The following NLRP7 variants were observed in gnomAD, a reference collection of about 807,000 sequenced individuals.
The protein encoded by NLRP7 is NACHT, LRR and PYD domains-containing protein 7.
In NLRP7, 72 loss-of-function variants were observed where a neutral mutation model predicts 85.5. That is an observed-to-expected ratio of 0.84 (90% confidence interval 0.70 to 1.02). NLRP7 has a LOEUF of 1.02. Ranked by LOEUF, NLRP7 falls within the 50% of genes least tolerant of loss-of-function variation. NLRP7 has a pLI of 0.00. For missense variants in NLRP7, 1,243 were observed against 1,219.5 expected (o/e 1.02, Z -0.29); for synonymous variants, 550 against 505.2 (o/e 1.09, Z -1.19).
chr19:54,940,740 T>C (rs941080736), intron 3 of NLRP7, among the ~76,000 whole-genome samples, 191 bp downstream of exon 3: 5 of 151,458 alleles, frequency 3.3e-5, no homozygotes, highest in East Asian at 2.0e-4. Flanking sequence ...AGGCAGAGAA[T>C]TGCTTGAACC....
chr19:54,941,722 G>C, exon 2 of NLRP7: 2 of 1,610,718 alleles, frequency 1.2e-6, no homozygotes, highest in East Asian at 4.5e-5. Flanking sequence ...AGTGCTCCGA[G>C]TATGAGACCT....
chr19:54,963,600 G>A (rs927164128), intron 1 of NLRP7, among the ~76,000 whole-genome samples: 6 of 151,974 alleles, frequency 3.9e-5, no homozygotes, highest in African/African-American at 1.2e-4. Flanking sequence ...GAGGTGAGCA[G>A]ATTACCTGAG....
Position 54,938,873 on chromosome 19 carries a change from G to A in NLRP7, c.1931+15C>T. On this transcript the variant is annotated intron_variant, in intron 4 of 9. Transcript: ENST00000340844. ...CTCTTCCTAGTGGAGCGTGGGATGG[G>A]AAAACAGTTCTTACCTTTCAAATTC... 1 of 1,613,528 alleles carries A rather than the reference G, an allele frequency of 6.2e-7. No individual in the cohort carries two copies. The highest frequency in any genetic ancestry group is 8.5e-7 in the Non-Finnish European group (1 of 1,179,918).
exon 3 of NLRP7, chr19:54,940,994 C>A (rs1429162047): frequency 3.1e-6 from 5 of 1,609,510 alleles, no homozygotes; most frequent in Non-Finnish European, 4.3e-6. Flanking sequence ...ATTTCTTGCA[C>A]CTGTCCGTCC....
rs531521958 is a variant in NLRP7, at chr19:54,934,429, C to T, written c.2471+60G>A. ...GGTGGCGCAGTAAGTCAGGTGTTACCCTTTCTCTTCTATAGCCCCAGAACT... is the reference window on the plus strand; with the variant it reads ...GGTGGCGCAGTAAGTCAGGTGTTACTCTTTCTCTTCTATAGCCCCAGAACT... On this transcript the variant is annotated intron_variant, in intron 7 of 9. Transcript: ENST00000340844. This position sits in a 1 kb window ranked among gnomAD's most constrained non-coding sequence, Gnocchi z 6.7. The T allele has an allele frequency of 1.6e-5, 25 of 1,565,388 alleles. No homozygotes were observed. The East Asian group carries it at 4.7e-4, about 29-fold the overall frequency.
intron 5 of NLRP7, 120 bp downstream of exon 5, chr19:54,937,920 AAGAC>A (rs2069008856): frequency 1.3e-6 from 1 of 779,280 alleles, no homozygotes; most frequent in Admixed American, 2.2e-5. Flanking sequence ...AAAAAAAAAA[AAGAC>A]AGCTGGAAAA....
intron 1 of NLRP7, among the ~76,000 whole-genome samples, chr19:54,944,449 C>T (rs1442027130): frequency 1.3e-5 from 2 of 152,172 alleles, no homozygotes; most frequent in Admixed American, 1.3e-4. Context: ...ACCCTCTCCC[C>T]ACTGTTACCC....
intron 3 of NLRP7, among the ~76,000 whole-genome samples, chr19:54,940,693 T>C (rs565151192): frequency 1.1e-3 from 163 of 151,974 alleles, no homozygotes; most frequent in African/African-American, 3.8e-3. Context: ...CTGGGGGTAG[T>C]GGCGGCCGCC....
chr19:54,947,393 T>C, intron 1 of NLRP7, 76 bp downstream of exon 1: 1 of 1,075,932 alleles, frequency 9.3e-7, no homozygotes, highest in Non-Finnish European at 1.3e-6. Context: ...GGAAGGGCTA[T>C]GGTGGAAACT....
chr19:54,951,706 T>G (rs907458169), upstream of NLRP7, among the ~76,000 whole-genome samples: 2 of 152,064 alleles, frequency 1.3e-5, no homozygotes, highest in Non-Finnish European at 2.9e-5. Flanking sequence ...TTTTGCCTCC[T>G]CATCATTGCT....
At chr19:54,924,280 T>C (rs1468881488) in intron 9 of NLRP7, among the ~76,000 whole-genome samples, 1 of 152,240 alleles carries the variant, frequency 6.6e-6, no homozygotes, top group East Asian at 1.9e-4. Flanking sequence ...AAAAGTTTTC[T>C]AAAAAGAAAT....
intron 8 of NLRP7, among the ~76,000 whole-genome samples, chr19:54,932,699 G>A (rs560291709): frequency 1.3e-4 from 19 of 151,558 alleles, no homozygotes; most frequent in Middle Eastern, 3.4e-3. Context: ...TCTGTCGCCC[G>A]GGCTGGAGTG....
chr19:54,939,139 A>C, exon 4 of NLRP7: 6 of 1,614,222 alleles, frequency 3.7e-6, no homozygotes, highest in Non-Finnish European at 5.1e-6. Context: ...ATAAGGGCTT[A>C]TTTGCATGAA....
chr19:54,941,144 A>T (rs1394719421), intron 2 of NLRP7, 139 bp from the exon 3 acceptor site: 36 of 768,952 alleles, frequency 4.7e-5, no homozygotes, highest in Middle Eastern at 2.3e-4. Context: ...TGGGCGGATC[A>T]CAAGGTCAGG....
intron 1 of NLRP7, among the ~76,000 whole-genome samples, chr19:54,954,894 C>G (rs1156653168): frequency 6.6e-6 from 1 of 151,968 alleles, no homozygotes; most frequent in African/African-American, 2.4e-5. Context: ...GGGCTGCTGT[C>G]TATGGAGTAG....
rs1166779381 is a variant in NLRP7, at chr19:54,938,167, G to C, written c.2006C>G (p.Ser669Cys). 3.1e-6 allele frequency: 5 copies of C among 1,613,990 alleles called. No individual in the cohort carries two copies. The highest frequency in any genetic ancestry group is 3.3e-5 in the Admixed American group (2 of 59,946). Residue 669 changes from serine to cysteine, a missense_variant, in exon 5 of 10, where the codon TCT (serine) becomes TGT (cysteine). Ser to Cys is a moderately radical substitution (Grantham distance 112). Coordinates refer to ENST00000340844, the Ensembl canonical transcript of NLRP7. Reference sequence around the variant, plus strand: ...GAGGTTGCTGTTTGAGCTGAAGAGAGAGCAGAAATCTGTCCAGAGGCGAAG... The same window carrying C: ...GAGGTTGCTGTTTGAGCTGAAGAGACAGCAGAAATCTGTCCAGAGGCGAAG...
rs104895550 is a variant in NLRP7 at position 54,936,415 on chromosome 19, G to C, written c.2146C>G (p.Pro716Ala). Residue 716 changes from proline (P) to alanine (A), a missense_variant, in exon 6 of 10, where the codon CCT (proline) becomes GCT (alanine). Around this residue, in one of 3 missense-constraint regions of NLRP7, gnomAD observed 613 missense variants for 588.4 expected, o/e 1.04. Coordinates refer to ENST00000340844, the Ensembl canonical transcript of NLRP7. Reference sequence around the variant, plus strand: ...CAGAAGTCCCGGTACGCGGTGTCAGGGGTGACGTTTTTAATCCTAGGGAAA... The same window carrying C: ...CAGAAGTCCCGGTACGCGGTGTCAGCGGTGACGTTTTTAATCCTAGGGAAA... 1.7e-4 allele frequency: 278 copies of C among 1,613,996 alleles called. No homozygotes were observed. The highest frequency in any genetic ancestry group is 2.2e-4 in the Non-Finnish European group (263 of 1,179,982).
chr19:54,955,821 G>A (rs1001082879), intron 1 of NLRP7, among the ~76,000 whole-genome samples: 1 of 152,130 alleles, frequency 6.6e-6, no homozygotes, highest in Non-Finnish European at 1.5e-5. Context: ...CTGGGTTCAA[G>A]GGATTGTCGA....
chr19:54,947,615 G>T, upstream of NLRP7: 2 of 1,289,632 alleles, frequency 1.6e-6, no homozygotes, highest in South Asian at 2.5e-5. Flanking sequence ...AACATTGGGT[G>T]GCTCCCAACC....
Sources: allele counts gnomAD v4.1 joint callset (sites outside exome capture counted in the v4.1 genomes callset), GRCh38; gene constraint gnomAD v4.1.1; regional missense constraint gnomAD v4.1.1; non-coding constraint Gnocchi (gnomAD v3.1); transcripts MANE v1.5; gene names NCBI Gene and HGNC (gene_info 2026-07-23, HGNC 2026-07-21).